PEF1: variants seen among roughly 807,000 people sequenced by gnomAD.
The protein encoded by PEF1 is penta-EF-hand domain containing 1.
PEF1 carries 17 observed loss-of-function variants against 32.0 expected under a neutral mutation model. That is an observed-to-expected ratio of 0.53 (90% CI 0.36 to 0.80). PEF1 has a LOEUF of 0.80. Among genes scored for constraint, PEF1 ranks in the 30% least tolerant of loss-of-function variants. PEF1 has a pLI of 0.00. For missense variants in PEF1, 362 were observed against 369.1 expected, an observed-to-expected ratio of 0.98 and a Z score of 0.16; for synonymous variants, 130 against 139.8, an observed-to-expected ratio of 0.93 and a Z score of 0.50.
At chr1:31,644,746 A>C in intron 1 of PEF1, 95 bp downstream of exon 1, 2 of 1,602,870 alleles carry the variant, frequency 1.2e-6, no homozygotes, top group South Asian at 2.2e-5. Context: ...CATCGTGGGA[A>C]GGGCGCGGAG....
At chr1:31,632,333 G>T in intron 4 of PEF1, 162 bp downstream of exon 4, 1 of 1,236,178 alleles carries the variant, frequency 8.1e-7, no homozygotes, top group Non-Finnish European at 1.2e-6. Context: ...TGCCCCAGCT[G>T]GGTCAAAGAA....
At chr1:31,634,628 C>T (rs1191904071) in intron 2 of PEF1, among the ~76,000 whole-genome samples, 4 of 151,938 alleles carry the variant, frequency 2.6e-5, no homozygotes, top group Non-Finnish European at 5.9e-5. Context: ...AGACATTGTA[C>T]TAATATGGTA....
intron 1 of PEF1, among the ~76,000 whole-genome samples, chr1:31,637,682 A>AAG (rs1640293955): frequency 6.6e-6 from 1 of 151,154 alleles, no homozygotes; most frequent in Admixed American, 6.6e-5. Flanking sequence ...GAGAGAAAGA[A>AAG]AGAATCCTTT....
chr1:31,636,367 T>A lies in PEF1; in HGVS notation c.25-845A>T, dbSNP rs541902562. ...GGCGCACACCTATAGTCCCAATGAC[T>A]CAGGAGGCTAAGGTGGGAGGATCAC... On this transcript the variant is annotated intron_variant, in intron 1 of 4. Transcript: ENST00000373703. 5.9e-5 allele frequency among the ~76,000 whole-genome samples: 9 copies of A among 152,118 alleles called. No homozygotes were observed. In the South Asian group the frequency reaches 1.7e-3, roughly 28 times the overall value.
At position 31,632,587 on chromosome 1, in the gene PEF1, G is replaced by C; in HGVS notation, c.533C>G (p.Ala178Gly). 1 of 1,614,230 alleles carries C rather than the reference G, an allele frequency of 6.2e-7. No homozygotes were observed. Among genetic ancestry groups the C allele is most frequent in the Non-Finnish European group, 8.5e-7 (1 of 1,180,040 alleles). ...SGRIDVYGFS[A>G]LWKFIQQWKN... The stretch of plus-strand genomic sequence containing the variant: ...CCACTGCTGGATGAATTTCCACAGG[G>C]CTGAGAAGCCGTAGACATCGATGCG... The change falls in exon 4 of 5, where the codon GCC (alanine) becomes GGC (glycine). Residue 178 changes from alanine to glycine, a missense_variant. Physicochemically the swap from Ala to Gly is moderately conservative, Grantham distance 60. Coordinates refer to ENST00000373703, the MANE Select transcript of PEF1 (RefSeq NM_012392.4).
rs767844092 is a variant in PEF1 at position 31,630,103 on chromosome 1, A to G, written c.*510T>C. 5.2e-5 allele frequency: 9 copies of G among 174,562 alleles called. No individual in the cohort carries two copies. The highest frequency in any genetic ancestry group is 1.0e-4 in the Non-Finnish European group (8 of 79,668). 10.8% of individuals were successfully genotyped at this position (174,562 alleles called of 1,614,324 possible). The stretch of plus-strand genomic sequence containing the variant: ...AGCAGGGCCAGCCCCAGGCAGCTAG[A>G]AGTTAACACACAAGGATTTATGGGT... On this transcript the variant is annotated 3_prime_UTR_variant, in exon 5 of 5. Transcript: ENST00000373703.
At chr1:31,630,866 C>T (rs1353747187) in intron 4 of PEF1, 24 bp from the exon 5 acceptor site, 1 of 1,570,076 alleles carries the variant, frequency 6.4e-7, no homozygotes, top group South Asian at 1.1e-5. Flanking sequence ...GCACACAGAC[C>T]AGACACACAA....
chr1:31,643,528 A>G (rs1034599800), intron 1 of PEF1, among the ~76,000 whole-genome samples: 2 of 152,218 alleles, frequency 1.3e-5, no homozygotes, highest in African/African-American at 4.8e-5. Context: ...AGCTCTGGTC[A>G]TGGCCTCACC....
At chr1:31,643,475 C>CT (rs752326811) in intron 1 of PEF1, among the ~76,000 whole-genome samples, 6 of 152,334 alleles carry the variant, frequency 3.9e-5, no homozygotes, top group Non-Finnish European at 8.8e-5. Context: ...ACTGGCCTCT[C>CT]TCTTTCCTAC....
At chr1:31,644,749 G>A in intron 1 of PEF1, 92 bp downstream of exon 1, 2 of 1,604,334 alleles carry the variant, frequency 1.2e-6, no homozygotes, top group East Asian at 4.5e-5. Flanking sequence ...CGTGGGAAGG[G>A]CGCGGAGAAA....
intron 1 of PEF1, chr1:31,644,548 G>T: frequency 2.9e-6 from 4 of 1,389,494 alleles, no homozygotes; most frequent in Non-Finnish European, 3.7e-6. Flanking sequence ...AGGGCCTTGG[G>T]AGGCTGTGGA....
chr1:31,630,980 C>A, intron 4 of PEF1, 138 bp from the exon 5 acceptor site: 1 of 745,108 alleles, frequency 1.3e-6, no homozygotes, highest in East Asian at 2.7e-5. Flanking sequence ...AGAGAAATCC[C>A]AAGGGTCTGT....
rs1640220291 is a variant in PEF1 at position 31,635,211 on chromosome 1, T to C, written c.325+11A>G. The C allele has an allele frequency of 6.2e-7, 1 of 1,613,000 alleles. No individual in the cohort carries two copies. Among genetic ancestry groups the C allele is most frequent in the Non-Finnish European group, 8.5e-7 (1 of 1,179,550 alleles). ...CGTCAGAGGTACCCGGAGTCCAAGA[T>C]TACTACTTACCCTGTCCATAAAGCC... On this transcript the variant is annotated intron_variant, in intron 2 of 4. Coordinates refer to ENST00000373703, the MANE Select transcript of PEF1 (RefSeq NM_012392.4).
At chr1:31,642,536 T>C (rs921220421) in intron 1 of PEF1, among the ~76,000 whole-genome samples, 4 of 152,120 alleles carry the variant, frequency 2.6e-5, no homozygotes, top group African/African-American at 9.7e-5. Flanking sequence ...AGCTATGTAG[T>C]GGGTGGAGGG....
In PEF1 at chr1:31,630,592, C is replaced by T; in HGVS notation, c.*21G>A. 6.2e-7 allele frequency: 1 copy of T among 1,608,408 alleles called. No homozygotes were observed. The highest frequency in any genetic ancestry group is 8.5e-7 in the Non-Finnish European group (1 of 1,176,848). ...GCCAGGAAAGGTCCCTGGTGCACTC[C>T]ACTCTCCACAGATGGTTGGGTCATA... On this transcript the variant is annotated 3_prime_UTR_variant, in exon 5 of 5. Coordinates refer to ENST00000373703, the MANE Select transcript of PEF1 (RefSeq NM_012392.4).
chr1:31,632,256 C>T (rs1353423768), intron 4 of PEF1: 1 of 707,468 alleles, frequency 1.4e-6, no homozygotes, highest in Admixed American at 2.1e-5. Context: ...GGCCGTCTCA[C>T]CCAGCACTCC....
chr1:31,633,130 T>C (rs1640159085), intron 3 of PEF1, 29 bp downstream of exon 3: 1 of 1,600,030 alleles, frequency 6.2e-7, no homozygotes, highest in South Asian at 1.1e-5. Context: ...CTGCCCCAGC[T>C]CAGGCCCAAG....
intron 3 of PEF1, 135 bp from the exon 4 acceptor site, chr1:31,632,773 G>A: frequency 3.8e-6 from 4 of 1,054,986 alleles, no homozygotes; most frequent in Non-Finnish European, 5.4e-6. Flanking sequence ...CTGAGGCCCA[G>A]ATGCCTGCAC....
chr1:31,632,258 C>G, intron 4 of PEF1: 1 of 713,764 alleles, frequency 1.4e-6, no homozygotes, highest in Non-Finnish European at 2.5e-6. Context: ...CCGTCTCACC[C>G]AGCACTCCAG....
Sources: gnomAD v4.1 joint callset for allele counts (sites outside exome capture counted in the v4.1 genomes callset) on GRCh38, gnomAD v4.1.1 for gene constraint, MANE v1.5 for transcripts, NCBI Gene and HGNC (gene_info 2026-07-23, HGNC 2026-07-21) for gene names.